COL18A1: variants seen among roughly 807,000 people sequenced by gnomAD.
COL18A1 encodes the protein collagen type XVIII alpha 1 chain.
A neutral mutation model predicts 168.0 loss-of-function variants in COL18A1; 133 were observed. The observed-to-expected ratio is 0.79, with a 90% CI of 0.69 to 0.91. The LOEUF (loss-of-function observed/expected upper bound fraction) is 0.91. Ranked by LOEUF, COL18A1 falls within the 40% of genes least tolerant of loss-of-function variation. COL18A1 has a pLI of 0.00. For missense variants in COL18A1, 2,126 were observed against 1,925.4 expected (o/e 1.10, Z -1.95); for synonymous variants, 949 against 809.0 (o/e 1.17, Z -2.94).
At chr21:45,421,692 C>T (rs1033580857) in intron 2 of COL18A1, 13 of 459,222 alleles carry the variant, frequency 2.8e-5, no homozygotes, top group South Asian at 1.1e-4. Flanking sequence ...CAGGGTTGGC[C>T]GGGTACTTGC....
chr21:45,405,364 GC>G lies in COL18A1; in HGVS notation c.12-13del. 1 of 1,233,874 alleles carries G rather than the reference GC, an allele frequency of 8.1e-7. No individual in the cohort carries two copies. The highest frequency in any genetic ancestry group is 1.0e-6 in the Non-Finnish European group (1 of 989,072). 76.4% of individuals were successfully genotyped at this position (1,233,874 alleles called of 1,614,324 possible). ...GGGGGTCCTGCGGGGTCTGACCCGT[GC>G]CTGTCCCGCGCAGGTGCCCCTGGCC... is the stretch of plus-strand genomic sequence containing the variant. On this transcript the variant is annotated splice_polypyrimidine_tract_variant and intron_variant, in intron 1 of 41. Coordinates refer to ENST00000651438, the MANE Select transcript of COL18A1 (RefSeq NM_001379500.1).
intron 2 of COL18A1, among the ~76,000 whole-genome samples, chr21:45,462,069 T>A (rs79564818): frequency 0.028 from 4,280 of 152,282 alleles, 213 homozygotes; most frequent in African/African-American, 0.097. Context: ...TTTTTTCTTT[T>A]AGTACATTGA....
chr21:45,470,948 CAGCAGGCCGTG>C (rs2035399940), intron 3 of COL18A1, among the ~76,000 whole-genome samples: 1 of 151,018 alleles, frequency 6.6e-6, no homozygotes. Flanking sequence ...GGGTGGCGTG[CAGCAGGCCGTG>C]TGCTGCTGGG....
chr21:45,448,748 T>C (rs1295220909), intron 2 of COL18A1, among the ~76,000 whole-genome samples: 1 of 152,246 alleles, frequency 6.6e-6, no homozygotes, highest in African/African-American at 2.4e-5. Context: ...CGCTCCATAA[T>C]GTCCTTTGCC....
At chr21:45,436,646 G>A (rs531061459) in intron 2 of COL18A1, among the ~76,000 whole-genome samples, 101 of 152,132 alleles carry the variant, frequency 6.6e-4, no homozygotes, top group African/African-American at 2.3e-3. Context: ...AACTGTGGCT[G>A]GGGTGGGGCT....
Position 45,443,335 on chromosome 21 carries a change from C to A in COL18A1, c.107-24907C>A, listed in dbSNP as rs2034432462. On this transcript the variant is annotated intron_variant, in intron 2 of 41. Coordinates refer to ENST00000651438, the MANE Select transcript of COL18A1 (RefSeq NM_001379500.1). This position sits in a 1 kb window ranked among gnomAD's most constrained non-coding sequence, Gnocchi z 5.2. ...TGGCTGTGTGAGCCTGCCCTGGGGC[C>A]TTCCATGAGAAAACCCAGTTAAGGA... Among the ~76,000 whole-genome samples, 1 of 152,174 alleles carries A rather than the reference C, an allele frequency of 6.6e-6. No individual in the cohort carries two copies. The highest frequency in any genetic ancestry group is 2.4e-5 in the African/African-American group (1 of 41,446).
intron 4 of COL18A1, among the ~76,000 whole-genome samples, 164 bp from the exon 5 acceptor site, chr21:45,475,312 C>A (rs1365368117): frequency 6.6e-6 from 1 of 152,226 alleles, no homozygotes; most frequent in Non-Finnish European, 1.5e-5. Context: ...GGAAGGCCAG[C>A]GTGCCCACCC....
chr21:45,437,701 CACACTCAG>C (rs1455639137), intron 2 of COL18A1, among the ~76,000 whole-genome samples: 7 of 81,510 alleles, frequency 8.6e-5, no homozygotes, highest in East Asian at 4.0e-4. Flanking sequence ...CACACACACA[CACACTCAG>C]ACACACAGGC....
chr21:45,503,719 T>C (rs1213147092), intron 32 of COL18A1, among the ~76,000 whole-genome samples: 8 of 151,674 alleles, frequency 5.3e-5, no homozygotes, highest in African/African-American at 9.7e-5. Context: ...CACACCAGCA[T>C]GGCACATGTA....
chr21:45,417,466 C>G (rs2033479763), intron 2 of COL18A1, among the ~76,000 whole-genome samples: 1 of 152,198 alleles, frequency 6.6e-6, no homozygotes, highest in Non-Finnish European at 1.5e-5. Flanking sequence ...GTCCTGCGGT[C>G]TGTGGCTTGC....
At chr21:45,479,758 G>C in intron 9 of COL18A1, 144 bp from the exon 10 acceptor site, 2 of 1,165,868 alleles carry the variant, frequency 1.7e-6, no homozygotes, top group Non-Finnish European at 2.4e-6. Flanking sequence ...TGGGCCTGGC[G>C]CCCTCGTACT....
rs369219412 is a variant in COL18A1 at position 45,473,897 on chromosome 21, G to A, written c.654G>A (p.Gly218=). The change falls in exon 4 of 42, where the codon GGG becomes GGA. Residue 218 remains glycine (G), a splice_region_variant and synonymous_variant. Transcript: ENST00000651438. This position sits in a 1 kb window ranked among gnomAD's most constrained non-coding sequence, Gnocchi z 4.0. ...CCCCTTTCTCTGTCTGCATTTAGGG[G>A]GTGATCGCTGAGCTGAAGGTGCGCA... The part of the protein sequence containing the change: ...AGGADPDKFQ[G]VIAELKVRRD... 1 of 1,599,950 alleles carries A rather than the reference G, an allele frequency of 6.3e-7. No individual in the cohort carries two copies. The highest frequency in any genetic ancestry group is 2.3e-5 in the East Asian group (1 of 44,018).
chr21:45,507,779 C>T (rs1374747650), intron 38 of COL18A1, among the ~76,000 whole-genome samples, 186 bp downstream of exon 38: 1 of 152,174 alleles, frequency 6.6e-6, no homozygotes, highest in Non-Finnish European at 1.5e-5. Context: ...GCGCTGGCCC[C>T]CCAGTACCTC....
rs367852328 is a variant in COL18A1, at chr21:45,468,585, C to A, written c.450C>A (p.Ala150=). ...TEPGAGQTHT[A]ASFRLPAFVG... ...CAGGTGCAGGCCAGACCCACACAGC[C>A]GCCAGCTTCCGGCTCCCCGCCTTCG... Residue 150 remains alanine (A), a synonymous_variant, in exon 3 of 42, where the codon GCC becomes GCA. Coordinates refer to ENST00000651438, the MANE Select transcript of COL18A1 (RefSeq NM_001379500.1). The A allele has an allele frequency of 1.2e-6, 2 of 1,613,738 alleles. No individual in the cohort carries two copies. The highest frequency in any genetic ancestry group is 1.7e-6 in the Non-Finnish European group (2 of 1,180,022).
At chr21:45,470,086 C>T (rs1369136396) in intron 3 of COL18A1, among the ~76,000 whole-genome samples, 1 of 152,236 alleles carries the variant, frequency 6.6e-6, no homozygotes, top group Non-Finnish European at 1.5e-5. Flanking sequence ...GAGCTCGGTA[C>T]GTGGGTGCAC....
At position 45,512,439 on chromosome 21, in the gene COL18A1, C is replaced by A; in HGVS notation, c.*41C>A. 1 of 1,584,028 alleles carries A rather than the reference C, an allele frequency of 6.3e-7. No homozygotes were observed. Among genetic ancestry groups the A allele is most frequent in the Non-Finnish European group, 8.6e-7 (1 of 1,165,314 alleles). ...GGATGGCCGGAGAGGACCGGCGGCT[C>A]GGAGGAAGCCCCCACCGTGGGCAGG... On this transcript the variant is annotated 3_prime_UTR_variant, in exon 42 of 42. Transcript: ENST00000651438.
In COL18A1 at chr21:45,483,602, C is replaced by T. The variant is rs556614429; in HGVS notation, c.1701+781C>T. Among the ~76,000 whole-genome samples the T allele has an allele frequency of 4.6e-5, 7 of 152,320 alleles. No individual in the cohort carries two copies. The East Asian group carries it at 1.2e-3, about 25-fold the overall frequency. Reference sequence around the variant, plus strand: ...GTGCCGACCCCACCACAGACGCCCCCGGAGGTGCCCTCGAGGATCCAGGCT... The same window carrying T: ...GTGCCGACCCCACCACAGACGCCCCTGGAGGTGCCCTCGAGGATCCAGGCT... On this transcript the variant is annotated intron_variant, in intron 15 of 41. Transcript: ENST00000651438.
chr21:45,461,597 C>G (rs562634766), intron 2 of COL18A1, among the ~76,000 whole-genome samples: 3 of 150,590 alleles, frequency 2.0e-5, no homozygotes, highest in Non-Finnish European at 4.4e-5. Flanking sequence ...GGGCCCCCCT[C>G]GAGGCTTCCT....
At chr21:45,482,884 C>T (rs985573069) in intron 15 of COL18A1, 63 bp downstream of exon 15, 2 of 1,612,850 alleles carry the variant, frequency 1.2e-6, no homozygotes, top group East Asian at 2.2e-5. Context: ...TGCTCGGACC[C>T]CCAAAGAGGG....
Sources: allele counts gnomAD v4.1 joint callset (sites outside exome capture counted in the v4.1 genomes callset), GRCh38; gene constraint gnomAD v4.1.1; non-coding constraint Gnocchi (gnomAD v3.1); transcripts MANE v1.5; gene names NCBI Gene and HGNC (gene_info 2026-07-23, HGNC 2026-07-21).